Variants in DCC observed in about 807,000 individuals in gnomAD.
DCC encodes the protein netrin receptor DCC.
In DCC, 58 loss-of-function variants were observed where a neutral mutation model predicts 172.5. That is an observed-to-expected ratio of 0.34 (90% confidence interval 0.27 to 0.42). The LOEUF is 0.42. Among genes scored for constraint, DCC ranks in the 10% least tolerant of loss-of-function variants. The pLI is 1.00. For synonymous variants in DCC, 709 were observed against 644.5 expected (o/e 1.10, Z -1.52); for missense variants, 1,740 against 1,791.0 (o/e 0.97, Z 0.51).
chr18:53,328,055 G>T (rs2057488007), intron 14 of DCC, among the ~76,000 whole-genome samples: 1 of 152,130 alleles, frequency 6.6e-6, no homozygotes, highest in Non-Finnish European at 1.5e-5. Flanking sequence ...AGCAAAAACT[G>T]ATTTTTAAAA....
rs1361459861 is a variant in DCC at position 53,068,795 on chromosome 18, GTGTATGTGTA to G, written c.1261+2633_1261+2642del. Among the ~76,000 whole-genome samples, 16 of 151,004 alleles carry G rather than the reference GTGTATGTGTA, an allele frequency of 1.1e-4. No individual in the cohort carries two copies. In the South Asian group the frequency reaches 2.7e-3, roughly 26 times the overall value. On this transcript the variant is annotated intron_variant, in intron 7 of 28. Transcript: ENST00000442544. ...ACTGTGTGTGTGTGTGTGTGTGTGT[GTGTATGTGTA>G]TGTGTGTGTGTGTTGCTGGGGACTG...
intron 27 of DCC, among the ~76,000 whole-genome samples, chr18:53,518,466 G>C (rs1818500714): frequency 2.6e-5 from 4 of 152,120 alleles, no homozygotes; most frequent in Admixed American, 2.6e-4. Flanking sequence ...GCAGGAGTCT[G>C]CACCTGGCAG....
chr18:52,944,327 C>T (rs1038313123), intron 5 of DCC, among the ~76,000 whole-genome samples: 10 of 152,112 alleles, frequency 6.6e-5, no homozygotes, highest in Non-Finnish European at 1.2e-4. Context: ...AATGATACTT[C>T]GAATTCCAGA....
chr18:53,328,304 C>T (rs2057491400), intron 14 of DCC, among the ~76,000 whole-genome samples: 1 of 152,156 alleles, frequency 6.6e-6, no homozygotes, highest in Non-Finnish European at 1.5e-5. Context: ...GTCTTAATGA[C>T]TAGGTTTGGA....
chr18:53,105,184 G>T (rs905592227), intron 7 of DCC, among the ~76,000 whole-genome samples: 1 of 152,028 alleles, frequency 6.6e-6, no homozygotes. Context: ...TGGAAGAAAT[G>T]TGTTCTTTCT....
At chr18:52,593,410 A>T (rs1028441619) in intron 1 of DCC, among the ~76,000 whole-genome samples, 1 of 152,182 alleles carries the variant, frequency 6.6e-6, no homozygotes, top group African/African-American at 2.4e-5. Flanking sequence ...CTTTGGGTTG[A>T]AGTCTTTTTG....
chr18:53,021,293 A>G (rs1011832738), intron 5 of DCC, among the ~76,000 whole-genome samples: 2 of 152,208 alleles, frequency 1.3e-5, no homozygotes, highest in Admixed American at 6.5e-5. Flanking sequence ...TGAAGCTGAA[A>G]ACACAGTAAT....
chr18:52,705,090 A>G (rs2036184294), intron 1 of DCC, among the ~76,000 whole-genome samples: 1 of 152,198 alleles, frequency 6.6e-6, no homozygotes, highest in South Asian at 2.1e-4. Context: ...TGTTATGCAA[A>G]GCATGACTAT....
intron 1 of DCC, among the ~76,000 whole-genome samples, chr18:52,700,255 C>T (rs1162747128): frequency 3.4e-5 from 5 of 146,470 alleles, no homozygotes; most frequent in Non-Finnish European, 6.0e-5. Flanking sequence ...CTCACACACG[C>T]ACATCCACAC....
chr18:53,321,916 TACC>T, intron 13 of DCC, 128 bp from the exon 14 acceptor site: 1 of 733,392 alleles, frequency 1.4e-6, no homozygotes, highest in South Asian at 1.4e-5. Flanking sequence ...AAATAATCAT[TACC>T]ACAACAGTCA....
intron 27 of DCC, among the ~76,000 whole-genome samples, chr18:53,500,806 A>G (rs912152512): frequency 9.9e-5 from 15 of 152,076 alleles, no homozygotes; most frequent in Non-Finnish European, 1.9e-4. Flanking sequence ...ATTTCATTCT[A>G]CAAGAGATGG....
At chr18:53,291,613 T>A (rs577212789) in intron 12 of DCC, among the ~76,000 whole-genome samples, 6 of 152,316 alleles carry the variant, frequency 3.9e-5, no homozygotes, top group African/African-American at 1.4e-4. Context: ...GGGTGTAATT[T>A]TACATATAAC....
intron 4 of DCC, among the ~76,000 whole-genome samples, chr18:52,924,810 C>T (rs1325053322): frequency 6.6e-6 from 1 of 151,948 alleles, no homozygotes; most frequent in Middle Eastern, 3.2e-3. Context: ...GTGTTCTCTG[C>T]GTATAGCCAA....
chr18:52,927,237 T>TATATATAGGTG (rs1568192482), intron 5 of DCC, among the ~76,000 whole-genome samples: 2 of 133,410 alleles, frequency 1.5e-5, no homozygotes, highest in Non-Finnish European at 3.3e-5. Flanking sequence ...ACATATATAC[T>TATATATAGGTG]TATATGTACA....
At chr18:53,033,232 C>G (rs935570905) in intron 5 of DCC, among the ~76,000 whole-genome samples, 1 of 152,104 alleles carries the variant, frequency 6.6e-6, no homozygotes, top group African/African-American at 2.4e-5. Flanking sequence ...TTTACTCAGT[C>G]TGCAACTAGA....
intron 5 of DCC, among the ~76,000 whole-genome samples, chr18:53,042,010 A>C (rs1355600033): frequency 6.6e-6 from 1 of 151,840 alleles, no homozygotes; most frequent in Non-Finnish European, 1.5e-5. Context: ...TTTTCTTGCC[A>C]GATTGTCCTG....
At chr18:53,073,398 G>C (rs922407945) in intron 7 of DCC, among the ~76,000 whole-genome samples, 6 of 151,996 alleles carry the variant, frequency 3.9e-5, no homozygotes, top group Non-Finnish European at 7.4e-5. Context: ...GGTGGCGGGT[G>C]CCTATAGTCC....
chr18:52,843,609 A>G (rs1315780698), intron 2 of DCC, among the ~76,000 whole-genome samples: 1 of 152,206 alleles, frequency 6.6e-6, no homozygotes, highest in African/African-American at 2.4e-5. Flanking sequence ...TTTCCTTTCA[A>G]ACATAATTTT....
intron 7 of DCC, among the ~76,000 whole-genome samples, chr18:53,074,910 A>G (rs182559148): frequency 6.6e-6 from 1 of 152,312 alleles, no homozygotes; most frequent in East Asian, 1.9e-4. Flanking sequence ...CAGCTGTAAA[A>G]TTCAGTAGAT....
Sources: allele counts gnomAD v4.1 joint callset (sites outside exome capture counted in the v4.1 genomes callset), GRCh38; gene constraint gnomAD v4.1.1; transcripts MANE v1.5; gene names NCBI Gene and HGNC (gene_info 2026-07-23, HGNC 2026-07-21).